Variants in CACNA2D3 observed in about 807,000 individuals in gnomAD.
CACNA2D3 encodes voltage-dependent calcium channel subunit alpha-2/delta-3.
CACNA2D3 carries 60 observed loss-of-function variants against 160.6 expected under a neutral mutation model. The observed-to-expected ratio is 0.37, with a 90% confidence interval of 0.30 to 0.46. CACNA2D3 has a LOEUF of 0.46. Ranked by LOEUF, CACNA2D3 falls within the 20% of genes least tolerant of loss-of-function variation. The pLI is 1.00. For missense variants in CACNA2D3, 1,205 were observed against 1,365.0 expected, an observed-to-expected ratio of 0.88 and a Z score of 1.85; for synonymous variants, 558 against 492.9, an observed-to-expected ratio of 1.13 and a Z score of -1.75.
intron 11 of CACNA2D3, among the ~76,000 whole-genome samples, chr3:54,655,240 A>C (rs558912848): frequency 3.0e-4 from 46 of 152,258 alleles, no homozygotes; most frequent in African/African-American, 1.1e-3. Flanking sequence ...AGTGCTGCCT[A>C]ATGGAAAAAG....
At chr3:54,461,878 A>G (rs1365579639) in intron 4 of CACNA2D3, among the ~76,000 whole-genome samples, 2 of 152,098 alleles carry the variant, frequency 1.3e-5, no homozygotes, top group Non-Finnish European at 2.9e-5. Flanking sequence ...TAGGGTGTCA[A>G]TTTTGGATCC....
chr3:55,056,728 T>G (rs919599790), intron 35 of CACNA2D3, among the ~76,000 whole-genome samples: 3 of 152,172 alleles, frequency 2.0e-5, no homozygotes, highest in African/African-American at 7.2e-5. Context: ...CTGCATGTTC[T>G]CACTTATATG....
chr3:54,237,235 C>A (rs1701896552), intron 2 of CACNA2D3, among the ~76,000 whole-genome samples: 1 of 152,076 alleles, frequency 6.6e-6, no homozygotes, highest in South Asian at 2.1e-4. Context: ...TTTCAAGCTG[C>A]TCATGTCCCT....
chr3:54,880,761 A>G, intron 20 of CACNA2D3, 35 bp from the exon 21 acceptor site: 1 of 1,570,874 alleles, frequency 6.4e-7, no homozygotes, highest in Non-Finnish European at 8.8e-7. Flanking sequence ...AGTCGATGCC[A>G]GGGATTTCAA....
chr3:54,794,646 T>A (rs927203290), intron 13 of CACNA2D3, among the ~76,000 whole-genome samples: 15 of 151,956 alleles, frequency 9.9e-5, no homozygotes, highest in Non-Finnish European at 1.9e-4. Flanking sequence ...TACTTTGCCT[T>A]CTTTTAGAGT....
intron 11 of CACNA2D3, among the ~76,000 whole-genome samples, chr3:54,676,524 G>T (rs547123560): frequency 8.5e-4 from 129 of 152,230 alleles, no homozygotes; most frequent in African/African-American, 3.0e-3. Flanking sequence ...TACCTGTTGG[G>T]CTGTGTAGAG....
At chr3:54,827,262 G>A (rs570380844) in intron 14 of CACNA2D3, among the ~76,000 whole-genome samples, 7 of 152,210 alleles carry the variant, frequency 4.6e-5, no homozygotes, top group Admixed American at 1.3e-4. Context: ...CACTTGCAAC[G>A]TCTTTGTCAG....
chr3:54,410,584 G>A (rs1433338345), intron 4 of CACNA2D3, among the ~76,000 whole-genome samples: 5 of 152,122 alleles, frequency 3.3e-5, no homozygotes, highest in East Asian at 3.9e-4. Flanking sequence ...TCTGTTTGCC[G>A]CATGGTTTAC....
At chr3:55,043,398 C>G (rs1321730245) in intron 35 of CACNA2D3, among the ~76,000 whole-genome samples, 1 of 150,250 alleles carries the variant, frequency 6.7e-6, no homozygotes, top group Non-Finnish European at 1.5e-5. Context: ...TTTGCACTTC[C>G]ATGACGAATA....
chr3:54,889,450 G>A (rs1357588008), intron 24 of CACNA2D3, among the ~76,000 whole-genome samples: 2 of 152,188 alleles, frequency 1.3e-5, no homozygotes, highest in East Asian at 3.9e-4. Flanking sequence ...TCAGAGGCAA[G>A]GTCTCCAGGA....
At chr3:54,125,272 C>T (rs1450029414) in intron 2 of CACNA2D3, among the ~76,000 whole-genome samples, 2 of 149,916 alleles carry the variant, frequency 1.3e-5, no homozygotes, top group Non-Finnish European at 1.5e-5. Flanking sequence ...CACACACACA[C>T]ACTGCACAAA....
chr3:54,136,468 TCTTC>T (rs1699817748), intron 2 of CACNA2D3, among the ~76,000 whole-genome samples: 1 of 152,234 alleles, frequency 6.6e-6, no homozygotes, highest in South Asian at 2.1e-4. Flanking sequence ...TCCTTTTCTT[TCTTC>T]CTTCTCTCAC....
chr3:54,149,267 GCACACA>G (rs3060363), intron 2 of CACNA2D3, among the ~76,000 whole-genome samples: 13 of 144,440 alleles, frequency 9.0e-5, no homozygotes, highest in South Asian at 2.3e-4. Context: ...GGTCCCATGT[GCACACA>G]CACACACACA....
intron 27 of CACNA2D3, among the ~76,000 whole-genome samples, chr3:54,965,282 G>T (rs1322952862): frequency 6.6e-6 from 1 of 152,124 alleles, no homozygotes; most frequent in African/African-American, 2.4e-5. Context: ...AAGACCTTTT[G>T]CCATTTGACC....
chr3:54,655,569 TTAAAG>T (rs1301925144), intron 11 of CACNA2D3, among the ~76,000 whole-genome samples: 1 of 152,228 alleles, frequency 6.6e-6, no homozygotes, highest in Non-Finnish European at 1.5e-5. Flanking sequence ...TAGAAGAAGA[TTAAAG>T]TATTCTACTG....
intron 12 of CACNA2D3, among the ~76,000 whole-genome samples, chr3:54,762,937 A>G (rs1365277907): frequency 2.0e-5 from 3 of 152,072 alleles, no homozygotes; most frequent in Non-Finnish European, 4.4e-5. Context: ...TAAAAATACA[A>G]AACAGCCGGG....
intron 3 of CACNA2D3, among the ~76,000 whole-genome samples, chr3:54,333,352 C>T (rs954998284): frequency 6.6e-6 from 1 of 152,048 alleles, no homozygotes; most frequent in Non-Finnish European, 1.5e-5. Flanking sequence ...GAAGTTGCGG[C>T]AGGGTTTGCA....
At chr3:54,903,266 C>T (rs1700380627) in intron 27 of CACNA2D3, among the ~76,000 whole-genome samples, 1 of 152,140 alleles carries the variant, frequency 6.6e-6, no homozygotes, top group Non-Finnish European at 1.5e-5. Context: ...TCCATGTGTT[C>T]TCATCATTTA....
intron 4 of CACNA2D3, among the ~76,000 whole-genome samples, chr3:54,423,779 G>A (rs746375036): frequency 3.3e-5 from 5 of 152,280 alleles, no homozygotes; most frequent in African/African-American, 7.2e-5. Flanking sequence ...TACCTGGAGC[G>A]TTAGGAACTA....
Sources: gnomAD v4.1 joint callset for allele counts (sites outside exome capture counted in the v4.1 genomes callset) on GRCh38, gnomAD v4.1.1 for gene constraint, MANE v1.5 for transcripts, NCBI Gene and HGNC (gene_info 2026-07-23, HGNC 2026-07-21) for gene names.